Variants in AUH observed in about 807,000 individuals in gnomAD.
The protein encoded by AUH is methylglutaconyl-CoA hydratase, mitochondrial.
AUH carries 29 observed loss-of-function variants against 42.3 expected under a neutral mutation model. The ratio of observed to expected loss-of-function variants is 0.69; its 90% CI spans 0.51 to 0.93. AUH has a LOEUF of 0.93. Ranked by LOEUF, AUH falls within the 40% of genes least tolerant of loss-of-function variation. AUH has a pLI of 0.00. For missense variants in AUH, 452 were observed against 438.1 expected (o/e 1.03, Z -0.28); for synonymous variants, 174 against 166.4 (o/e 1.05, Z -0.35).
chr9:91,217,204 T>G, intron 8 of AUH, 73 bp downstream of exon 8: 1 of 1,466,900 alleles, frequency 6.8e-7, no homozygotes, highest in South Asian at 1.2e-5. Flanking sequence ...AATGTAGAAG[T>G]CTAAACATGG....
intron 6 of AUH, among the ~76,000 whole-genome samples, chr9:91,257,952 G>A (rs1344855854): frequency 6.6e-6 from 1 of 152,114 alleles, no homozygotes; most frequent in Non-Finnish European, 1.5e-5. Context: ...TGGTAGTTTT[G>A]AGTCTACAGA....
chr9:91,220,839 T>G lies in AUH; in HGVS notation c.809A>C (p.Lys270Thr), dbSNP rs745769060. 3.1e-6 allele frequency: 5 copies of G among 1,614,128 alleles called. No individual in the cohort carries two copies. The highest frequency in any genetic ancestry group is 4.2e-6 in the Non-Finnish European group (5 of 1,180,056). The stretch of plus-strand genomic sequence containing the variant: ...AAACTCTCTCGCCAGGTCCAAGGCC[T>G]TCCTGTAGGCCGCGTCTCCCTCCTG... ...QNQEGDAAYRKALDLAREFLP... is the reference protein window; with the variant it reads ...QNQEGDAAYRTALDLAREFLP... Residue 270 changes from lysine to threonine, a missense_variant, in exon 7 of 10, where the codon AAG (lysine) becomes ACG (threonine). Lys to Thr is a moderately conservative substitution (Grantham distance 78, BLOSUM62 -1). Transcript: ENST00000375731.
intron 6 of AUH, among the ~76,000 whole-genome samples, chr9:91,249,982 A>T (rs1020033370): frequency 6.6e-6 from 1 of 150,994 alleles, no homozygotes; most frequent in Non-Finnish European, 1.5e-5. Context: ...CCTGCACTCC[A>T]GCCTGGAGAC....
intron 8 of AUH, among the ~76,000 whole-genome samples, 194 bp downstream of exon 8, chr9:91,217,083 A>G (rs968973151): frequency 6.6e-6 from 1 of 152,236 alleles, no homozygotes; most frequent in Non-Finnish European, 1.5e-5. Flanking sequence ...TGCTTGTGAT[A>G]CTGAATTAGC....
At chr9:91,217,150 G>C in intron 8 of AUH, 127 bp downstream of exon 8, 1 of 961,510 alleles carries the variant, frequency 1.0e-6, no homozygotes, top group South Asian at 1.5e-5. Context: ...GTAGCTTTCA[G>C]TAATAGTAGC....
intron 7 of AUH, 54 bp downstream of exon 7, chr9:91,220,751 G>C: frequency 6.3e-7 from 1 of 1,592,062 alleles, no homozygotes; most frequent in Non-Finnish European, 8.6e-7. Flanking sequence ...TTTAGTCAAA[G>C]TGTTATAATG....
intron 6 of AUH, among the ~76,000 whole-genome samples, chr9:91,238,297 G>C (rs1476659814): frequency 3.3e-5 from 5 of 152,142 alleles, no homozygotes; most frequent in African/African-American, 4.8e-5. Flanking sequence ...CTTGCAATCA[G>C]GTCTGCAAAC....
chr9:91,345,890 C>G (rs1246148678), intron 3 of AUH, among the ~76,000 whole-genome samples: 1 of 149,674 alleles, frequency 6.7e-6, no homozygotes, highest in Non-Finnish European at 1.5e-5. Context: ...CATATACTGT[C>G]AACTGATATT....
intron 6 of AUH, chr9:91,294,621 C>G (rs1460880134): frequency 6.7e-6 from 3 of 444,486 alleles, no homozygotes; most frequent in Non-Finnish European, 1.4e-5. Flanking sequence ...TCTTATGGAT[C>G]TGGGCAAATT....
intron 6 of AUH, among the ~76,000 whole-genome samples, chr9:91,265,307 A>G (rs1306704561): frequency 7.1e-6 from 1 of 141,396 alleles, no homozygotes; most frequent in Non-Finnish European, 1.5e-5. Flanking sequence ...TTTGCTCTAC[A>G]TTTTAGAAGG....
chr9:91,313,230 T>G (rs1828850456), intron 4 of AUH, among the ~76,000 whole-genome samples: 1 of 152,086 alleles, frequency 6.6e-6, no homozygotes, highest in Non-Finnish European at 1.5e-5. Context: ...TTTGCAGGAG[T>G]GACTATATCA....
intron 6 of AUH, among the ~76,000 whole-genome samples, chr9:91,267,404 CAT>C (rs757230008): frequency 6.6e-6 from 1 of 152,136 alleles, no homozygotes; most frequent in Non-Finnish European, 1.5e-5. Flanking sequence ...GGATGAGGCC[CAT>C]GTTTTTCATT....
At chr9:91,274,325 C>T (rs1298196829) in intron 6 of AUH, among the ~76,000 whole-genome samples, 1 of 152,178 alleles carries the variant, frequency 6.6e-6, no homozygotes, top group African/African-American at 2.4e-5. Flanking sequence ...TCAAATGAAA[C>T]AGTTCCTTCC....
intron 3 of AUH, among the ~76,000 whole-genome samples, chr9:91,335,932 T>C (rs1027223771): frequency 7.2e-5 from 11 of 152,162 alleles, no homozygotes; most frequent in Non-Finnish European, 1.2e-4. Context: ...TCATAAATAG[T>C]CCATGTGTGC....
At chr9:91,314,931 T>G (rs553163037) in intron 4 of AUH, among the ~76,000 whole-genome samples, 107 of 152,136 alleles carry the variant, frequency 7.0e-4, no homozygotes, top group Non-Finnish European at 8.4e-4. Context: ...GTCATCTGCT[T>G]CTTCTTTTTT....
intron 6 of AUH, among the ~76,000 whole-genome samples, chr9:91,273,680 T>C (rs1825332626): frequency 6.6e-6 from 1 of 152,184 alleles, no homozygotes; most frequent in Admixed American, 6.5e-5. Flanking sequence ...GCATCAAAAA[T>C]AACATGCATA....
At chr9:91,248,080 C>T (rs145241079) in intron 6 of AUH, among the ~76,000 whole-genome samples, 88 of 152,248 alleles carry the variant, frequency 5.8e-4, no homozygotes, top group African/African-American at 2.1e-3. Context: ...TCTAAGAAAC[C>T]TTAGATTTCT....
chr9:91,342,497 T>C (rs952611243), intron 3 of AUH, among the ~76,000 whole-genome samples: 2 of 152,224 alleles, frequency 1.3e-5, no homozygotes, highest in Non-Finnish European at 1.5e-5. Context: ...GTGTCTGAAA[T>C]AGCAGAGTGA....
intron 7 of AUH, chr9:91,218,576 G>A: frequency 1.0e-6 from 1 of 974,676 alleles, no homozygotes; most frequent in Non-Finnish European, 1.2e-6. Context: ...CCAGGCTGCT[G>A]GTCCACAGAC....
Sources: allele counts gnomAD v4.1 joint callset (sites outside exome capture counted in the v4.1 genomes callset), GRCh38; gene constraint gnomAD v4.1.1; transcripts MANE v1.5; gene names NCBI Gene and HGNC (gene_info 2026-07-23, HGNC 2026-07-21).